Variants in GXYLT2 observed in about 807,000 individuals in gnomAD.
The protein encoded by GXYLT2 is glucoside xylosyltransferase 2.
In GXYLT2, 53 loss-of-function variants were observed where a neutral mutation model predicts 45.8. The ratio of observed to expected loss-of-function variants is 1.16; its 90% confidence interval spans 0.93 to 1.46. The LOEUF (loss-of-function observed/expected upper bound fraction) is 1.46. GXYLT2 is among the 40% of genes most tolerant of loss of function. GXYLT2 has a pLI of 0.00. For synonymous variants in GXYLT2, 219 were observed against 214.2 expected (o/e 1.02, Z -0.19); for missense variants, 551 against 544.4 (o/e 1.01, Z -0.12).
intron 1 of GXYLT2, among the ~76,000 whole-genome samples, chr3:72,907,804 C>T (rs1709539482): frequency 6.6e-6 from 1 of 152,140 alleles, no homozygotes; most frequent in South Asian, 2.1e-4. Flanking sequence ...TCAAGACTCT[C>T]CTGAGATGTC....
At chr3:72,939,661 T>G (rs1710262584) in intron 3 of GXYLT2, among the ~76,000 whole-genome samples, 1 of 150,758 alleles carries the variant, frequency 6.6e-6, no homozygotes, top group Non-Finnish European at 1.5e-5. Flanking sequence ...TATAGTATGA[T>G]TCTATAGGTA....
rs113393130 is a variant in GXYLT2 at position 72,950,697 on chromosome 3, C to T, written c.601-4401C>T. Among the ~76,000 whole-genome samples, 1,279 of 152,050 alleles carry T rather than the reference C, an allele frequency of 8.4e-3. 22 individuals are homozygous for T. Among genetic ancestry groups the T allele is most frequent in the African/African-American group, 0.029 (1,218 of 41,482 alleles). The stretch of plus-strand genomic sequence containing the variant: ...GTTAGTGGTGGAAATGGAATTTGAA[C>T]GTAGGTTGCCAGATTTCAAACCTAA... On this transcript the variant is annotated intron_variant, in intron 3 of 6. Transcript: ENST00000389617.
At position 72,888,432 on chromosome 3, in the gene GXYLT2, G is replaced by C; in HGVS notation, c.199G>C (p.Val67Leu). The C allele has an allele frequency of 8.7e-7, 1 of 1,150,906 alleles. No individual in the cohort carries two copies. The highest frequency in any genetic ancestry group is 1.1e-6 in the Non-Finnish European group (1 of 935,088). 71.3% of individuals were successfully genotyped at this position (1,150,906 alleles called of 1,614,324 possible). A position where few individuals can be genotyped will look rare whatever the true frequency, so the allele number is the denominator to read the frequency against. ...CGCCCTCCCCGGGGCCAGCCCGGGA[G>C]TTCGGAGGCGCCGGCCCCCGCGTCC... ...PGALPGASPG[V>L]RRRRPPRPRP... The change falls in exon 1 of 7, where the codon GTT (valine) becomes CTT (leucine). Residue 67 changes from valine to leucine, a missense_variant. By Grantham distance (32) the Val-to-Leu change is conservative (BLOSUM62 1). Coordinates refer to ENST00000389617, the MANE Select transcript of GXYLT2 (RefSeq NM_001080393.2).
rs1319440055 is a variant in GXYLT2, at chr3:72,955,100, G to A, written c.603G>A (p.Val201=). 3.7e-6 allele frequency: 6 copies of A among 1,613,470 alleles called. No individual in the cohort carries two copies. The highest frequency in any genetic ancestry group is 5.1e-6 in the Non-Finnish European group (6 of 1,179,592). ...PCAAQRLFLP[V]ILKDVDSLLY... Reference sequence around the variant, plus strand: ...ACACCCACTCCTTACACACAAAGGTGATTTTAAAGGATGTGGACTCACTTC... The same window carrying A: ...ACACCCACTCCTTACACACAAAGGTAATTTTAAAGGATGTGGACTCACTTC... Residue 201 remains valine (V), a splice_region_variant and synonymous_variant, in exon 4 of 7, where the codon GTG becomes GTA. Transcript: ENST00000389617.
At chr3:72,895,414 A>G (rs1416795051) in intron 1 of GXYLT2, among the ~76,000 whole-genome samples, 1 of 152,120 alleles carries the variant, frequency 6.6e-6, no homozygotes, top group East Asian at 1.9e-4. Context: ...GTTACTTGCT[A>G]CCAGAGAGTC....
intron 3 of GXYLT2, chr3:72,929,524 G>A (rs1709984365): frequency 2.1e-5 from 27 of 1,260,400 alleles, no homozygotes; most frequent in Non-Finnish European, 2.6e-5. Context: ...TGCAAGATGG[G>A]AGCACCCGAA....
chr3:72,955,168 A>T lies in GXYLT2; in HGVS notation c.671A>T (p.Asp224Val). 1 of 1,613,944 alleles carries T rather than the reference A, an allele frequency of 6.2e-7. No homozygotes were observed. Residue 224 changes from aspartate to valine, a missense_variant, in exon 4 of 7, where the codon GAC (aspartate) becomes GTC (valine). By Grantham distance (152) the Asp-to-Val change is radical (BLOSUM62 -3). Coordinates refer to ENST00000389617, the MANE Select transcript of GXYLT2 (RefSeq NM_001080393.2). ...GTCCTCTTTCTGAGACCTGTTGATG[A>T]CATCTGGAAGCTTCTGAGGCTGTTT... ...TDVLFLRPVDDIWKLLRLFNS... is the reference protein window; with the variant it reads ...TDVLFLRPVDVIWKLLRLFNS...
chr3:72,973,452 C>T (rs933056295), intron 6 of GXYLT2, among the ~76,000 whole-genome samples: 18 of 152,162 alleles, frequency 1.2e-4, no homozygotes, highest in African/African-American at 4.3e-4. Context: ...GTTGGAATCT[C>T]ATTCTAATGG....
intron 5 of GXYLT2, 89 bp downstream of exon 5, chr3:72,957,441 A>T: frequency 7.5e-7 from 1 of 1,335,724 alleles, no homozygotes; most frequent in South Asian, 1.4e-5. Flanking sequence ...GCTATTGACT[A>T]GGCTTGAATT....
At chr3:72,897,461 T>G (rs1423954602) in intron 1 of GXYLT2, among the ~76,000 whole-genome samples, 3 of 152,172 alleles carry the variant, frequency 2.0e-5, no homozygotes, top group Non-Finnish European at 4.4e-5. Context: ...TCTGTTGACC[T>G]CACTTGAATA....
At chr3:72,925,812 G>A (rs762741005) in intron 3 of GXYLT2, among the ~76,000 whole-genome samples, 1 of 152,070 alleles carries the variant, frequency 6.6e-6, no homozygotes, top group Non-Finnish European at 1.5e-5. Context: ...CAGCTAAGTA[G>A]GTGCTTGGTT....
At chr3:72,959,243 G>A (rs552613527) in intron 5 of GXYLT2, among the ~76,000 whole-genome samples, 183 of 146,860 alleles carry the variant, frequency 1.2e-3, no homozygotes, top group Middle Eastern at 3.8e-3. Flanking sequence ...TCAGCCTCCC[G>A]AGTAGCTGGG....
At chr3:72,898,639 C>G (rs1327562957) in intron 1 of GXYLT2, among the ~76,000 whole-genome samples, 1 of 152,118 alleles carries the variant, frequency 6.6e-6, no homozygotes, top group African/African-American at 2.4e-5. Flanking sequence ...TCCCTGCACC[C>G]GAGCACCCGG....
chr3:72,920,137 TA>T (rs757982777), intron 2 of GXYLT2, among the ~76,000 whole-genome samples: 15 of 152,002 alleles, frequency 9.9e-5, no homozygotes, highest in Admixed American at 3.9e-4. Flanking sequence ...ATTTTTTATT[TA>T]TTTTTTTATT....
At chr3:72,894,600 G>A (rs149123271) in intron 1 of GXYLT2, among the ~76,000 whole-genome samples, 16 of 152,336 alleles carry the variant, frequency 1.1e-4, no homozygotes, top group African/African-American at 3.8e-4. Flanking sequence ...CTGAATGTGT[G>A]TTCCAACCTA....
Position 72,908,610 on chromosome 3 carries a change from C to T in GXYLT2, c.468+51C>T, listed in dbSNP as rs908868857. The stretch of plus-strand genomic sequence containing the variant: ...GTGTTTACTAAGTACAAACAGACTA[C>T]ATTTTAGGAACTGCATATTCTGTTA... On this transcript the variant is annotated intron_variant, in intron 2 of 6. Transcript: ENST00000389617. 26 of 1,389,354 alleles carry T rather than the reference C, an allele frequency of 1.9e-5. No homozygotes were observed. The Admixed American group carries it at 2.8e-4, about 15-fold the overall frequency. The allele number at this position is 1,389,354 out of a possible 1,614,324, so 86.1% of individuals were successfully genotyped here. A position where few individuals can be genotyped will look rare whatever the true frequency, so the allele number is the denominator to read the frequency against.
At position 72,957,747 on chromosome 3, in the gene GXYLT2, G is replaced by A. The variant is rs112632016; in HGVS notation, c.976+395G>A. Reference sequence around the variant, plus strand: ...GGAATTGATTCTCAGGGTCCTTGGAGTTCAGGAACATATTCAGGGTCAAAA... The same window carrying A: ...GGAATTGATTCTCAGGGTCCTTGGAATTCAGGAACATATTCAGGGTCAAAA... On this transcript the variant is annotated intron_variant, in intron 5 of 6. Coordinates refer to ENST00000389617, the MANE Select transcript of GXYLT2 (RefSeq NM_001080393.2). Among the ~76,000 whole-genome samples the A allele has an allele frequency of 5.3e-5, 8 of 152,204 alleles. 1 individual carries two copies. The highest frequency in any genetic ancestry group is 1.9e-4 in the African/African-American group (8 of 41,534).
intron 5 of GXYLT2, among the ~76,000 whole-genome samples, chr3:72,960,638 C>T (rs999015543): frequency 1.3e-5 from 2 of 152,326 alleles, no homozygotes; most frequent in Middle Eastern, 3.4e-3. Flanking sequence ...GACTGTCCTT[C>T]GTACAGCCTG....
At chr3:72,920,819 T>TATATGTA (rs1491486551) in intron 2 of GXYLT2, among the ~76,000 whole-genome samples, 255 of 96,526 alleles carry the variant, frequency 2.6e-3, no homozygotes, top group African/African-American at 0.016. Flanking sequence ...TATATATGTA[T>TATATGTA]TTTTTTTTTT....
Sources: allele counts gnomAD v4.1 joint callset (sites outside exome capture counted in the v4.1 genomes callset), GRCh38; gene constraint gnomAD v4.1.1; transcripts MANE v1.5; gene names NCBI Gene and HGNC (gene_info 2026-07-23, HGNC 2026-07-21).